Variants in TSHZ2 observed in about 807,000 individuals in gnomAD.
The protein encoded by TSHZ2 is teashirt homolog 2.
TSHZ2 carries 21 observed loss-of-function variants against 74.4 expected under a neutral mutation model. That is an observed-to-expected ratio of 0.28 (90% confidence interval 0.20 to 0.41). TSHZ2 has a LOEUF of 0.41. TSHZ2 is among the 10% of genes least tolerant of loss of function. The pLI is 1.00. For synonymous variants in TSHZ2, 540 were observed against 515.3 expected (o/e 1.05, Z -0.65); for missense variants, 1,244 against 1,293.5 (o/e 0.96, Z 0.59).
chr20:53,185,180 T>C (rs948424942), intron 1 of TSHZ2: 2 of 987,252 alleles, frequency 2.0e-6, no homozygotes, highest in Non-Finnish European at 2.4e-6. Flanking sequence ...TTTTGAAGAA[T>C]GTCTTTCCTC....
chr20:52,990,327 A>G (rs1027682000), intron 1 of TSHZ2, among the ~76,000 whole-genome samples: 1 of 152,164 alleles, frequency 6.6e-6, no homozygotes, highest in Non-Finnish European at 1.5e-5. Context: ...CTACCCCTCT[A>G]ACCAAAACAT....
At chr20:53,332,638 C>G (rs991686412) in intron 2 of TSHZ2, among the ~76,000 whole-genome samples, 1 of 152,038 alleles carries the variant, frequency 6.6e-6, no homozygotes, top group Non-Finnish European at 1.5e-5. Flanking sequence ...AATGACGAGG[C>G]GAAACTGGAG....
At chr20:53,289,749 G>C (rs1051740945) in intron 2 of TSHZ2, among the ~76,000 whole-genome samples, 2 of 152,180 alleles carry the variant, frequency 1.3e-5, no homozygotes, top group Non-Finnish European at 2.9e-5. Flanking sequence ...AAATATCTGG[G>C]AAGTTGAAAT....
chr20:53,123,061 G>A (rs1301367578), intron 1 of TSHZ2, among the ~76,000 whole-genome samples: 1 of 152,108 alleles, frequency 6.6e-6, no homozygotes, highest in Non-Finnish European at 1.5e-5. Flanking sequence ...GACAAAACAC[G>A]GATTAAATCA....
intron 2 of TSHZ2, among the ~76,000 whole-genome samples, chr20:53,306,757 C>T (rs1244507395): frequency 6.6e-6 from 1 of 152,066 alleles, no homozygotes; most frequent in East Asian, 1.9e-4. Context: ...AAATCTGTGG[C>T]TCAGATGAAC....
intron 1 of TSHZ2, among the ~76,000 whole-genome samples, chr20:53,140,279 G>A (rs1600708665): frequency 1.3e-5 from 2 of 151,984 alleles, no homozygotes; most frequent in Admixed American, 6.5e-5. Context: ...GGTGGCTCGC[G>A]CCTGTAATCC....
chr20:53,408,322 G>A (rs1024705264), intron 2 of TSHZ2, among the ~76,000 whole-genome samples: 1 of 152,184 alleles, frequency 6.6e-6, no homozygotes, highest in Non-Finnish European at 1.5e-5. Context: ...AACCACATTA[G>A]TGGAGAAAAG....
At chr20:53,402,856 T>C (rs1407939328) in intron 2 of TSHZ2, among the ~76,000 whole-genome samples, 1 of 152,186 alleles carries the variant, frequency 6.6e-6, no homozygotes, top group South Asian at 2.1e-4. Flanking sequence ...CTCAGCCACA[T>C]CAAACCGAAC....
intron 2 of TSHZ2, among the ~76,000 whole-genome samples, chr20:53,318,362 C>T (rs775830820): frequency 4.5e-4 from 68 of 152,152 alleles, no homozygotes; most frequent in South Asian, 8.3e-4. Flanking sequence ...CAGAATTCCA[C>T]GCGGAAACAC....
intron 1 of TSHZ2, among the ~76,000 whole-genome samples, chr20:53,045,942 A>G (rs115184306): frequency 0.012 from 1,760 of 152,332 alleles, 33 homozygotes; most frequent in African/African-American, 0.04. Flanking sequence ...GATATTGACC[A>G]GCTCTGCTCC....
chr20:53,168,177 C>T (rs1017825101), intron 1 of TSHZ2, among the ~76,000 whole-genome samples: 1 of 152,200 alleles, frequency 6.6e-6, no homozygotes, highest in Non-Finnish European at 1.5e-5. Flanking sequence ...TGTCCAATGG[C>T]ACTGTTGACA....
intron 2 of TSHZ2, among the ~76,000 whole-genome samples, chr20:53,402,385 T>A (rs925017017): frequency 1.3e-5 from 2 of 152,178 alleles, no homozygotes; most frequent in Admixed American, 1.3e-4. Flanking sequence ...TGCAGTTGTG[T>A]ATGGTACTCA....
At chr20:53,271,852 T>C (rs1455002576) in intron 2 of TSHZ2, among the ~76,000 whole-genome samples, 1 of 152,152 alleles carries the variant, frequency 6.6e-6, no homozygotes, top group Non-Finnish European at 1.5e-5. Flanking sequence ...AACAGACAGG[T>C]GGCTGGTGGA....
chr20:53,181,101 G>A (rs1052057420), intron 1 of TSHZ2, among the ~76,000 whole-genome samples: 1 of 151,956 alleles, frequency 6.6e-6, no homozygotes, highest in Non-Finnish European at 1.5e-5. Context: ...CAGTGTTTTT[G>A]CAGTTAAGTT....
At chr20:53,103,425 A>C (rs1986273532) in intron 1 of TSHZ2, among the ~76,000 whole-genome samples, 1 of 152,188 alleles carries the variant, frequency 6.6e-6, no homozygotes, top group Admixed American at 6.6e-5. Flanking sequence ...TACCTAATAC[A>C]TATGTGTGCA....
intron 2 of TSHZ2, among the ~76,000 whole-genome samples, chr20:53,292,447 ATTTT>A (rs149635565): frequency 0.24 from 34,127 of 141,420 alleles, 4,289 homozygotes; most frequent in African/African-American, 0.36. Flanking sequence ...CAAACCACCT[ATTTT>A]TTTTTTTTTT....
At chr20:53,007,097 G>C (rs554211855) in intron 1 of TSHZ2, among the ~76,000 whole-genome samples, 100 of 152,278 alleles carry the variant, frequency 6.6e-4, no homozygotes, top group African/African-American at 2.4e-3. Context: ...TACTGTGAGG[G>C]TGTCTGACAG....
chr20:53,235,620 G>A (rs1456050335), intron 1 of TSHZ2, among the ~76,000 whole-genome samples: 2 of 152,132 alleles, frequency 1.3e-5, no homozygotes, highest in Non-Finnish European at 2.9e-5. Flanking sequence ...ACTGTACCAG[G>A]CACACAGTAG....
At chr20:53,437,383 G>T (rs980102894) in intron 2 of TSHZ2, among the ~76,000 whole-genome samples, 1 of 152,156 alleles carries the variant, frequency 6.6e-6, no homozygotes, top group Non-Finnish European at 1.5e-5. Flanking sequence ...TGAGCCAGGA[G>T]AATTGCTTGA....
Sources: gnomAD v4.1 joint callset for allele counts (sites outside exome capture counted in the v4.1 genomes callset) on GRCh38, gnomAD v4.1.1 for gene constraint, MANE v1.5 for transcripts, NCBI Gene and HGNC (gene_info 2026-07-23, HGNC 2026-07-21) for gene names.